Variants in TRPM3 observed in about 807,000 individuals in gnomAD.
TRPM3 encodes the protein transient receptor potential cation channel subfamily M member 3, also known as long transient receptor potential channel 3.
Under a neutral mutation model 181.2 loss-of-function variants are expected in TRPM3, and 77 were observed. The ratio of observed to expected loss-of-function variants is 0.42; its 90% CI spans 0.35 to 0.51. TRPM3 has a LOEUF of 0.51. Among genes scored for constraint, TRPM3 ranks in the 20% least tolerant of loss-of-function variants. The pLI is 0.01. For synonymous variants in TRPM3, 745 were observed against 796.4 expected (o/e 0.94, Z 1.09); for missense variants, 1,759 against 2,196.7 (o/e 0.80, Z 3.98).
At chr9:70,760,069 A>C (rs2077820072) in intron 8 of TRPM3, among the ~76,000 whole-genome samples, 1 of 152,148 alleles carries the variant, frequency 6.6e-6, no homozygotes, top group Non-Finnish European at 1.5e-5. Context: ...AAATGCAGTT[A>C]ACTTTTTCAG....
chr9:71,331,063 G>T (rs895373829), intron 1 of TRPM3, among the ~76,000 whole-genome samples: 5 of 151,856 alleles, frequency 3.3e-5, no homozygotes, highest in African/African-American at 1.2e-4. Flanking sequence ...AGACAAATTA[G>T]AACTCCAGAG....
intron 1 of TRPM3, among the ~76,000 whole-genome samples, chr9:71,004,909 A>G (rs2097657031): frequency 6.6e-6 from 1 of 152,218 alleles, no homozygotes; most frequent in South Asian, 2.1e-4. Context: ...AACATATGAA[A>G]TTACCTATTC....
intron 25 of TRPM3, among the ~76,000 whole-genome samples, chr9:70,543,477 T>C (rs1588116260): frequency 6.6e-6 from 1 of 152,100 alleles, no homozygotes; most frequent in Non-Finnish European, 1.5e-5. Flanking sequence ...ACCATTCTCA[T>C]CCCCTCTCCA....
chr9:70,958,932 C>T (rs2097107969), intron 1 of TRPM3, among the ~76,000 whole-genome samples: 1 of 147,926 alleles, frequency 6.8e-6, no homozygotes, highest in Non-Finnish European at 1.5e-5. Flanking sequence ...CATGTTCTCA[C>T]TCATAGATGG....
intron 8 of TRPM3, among the ~76,000 whole-genome samples, chr9:70,693,182 G>A (rs184967558): frequency 6.6e-6 from 1 of 152,294 alleles, no homozygotes; most frequent in Admixed American, 6.5e-5. Flanking sequence ...TCCTTTTCCT[G>A]GCAATTGATG....
intron 25 of TRPM3, among the ~76,000 whole-genome samples, chr9:70,545,578 G>A (rs1347128094): frequency 8.3e-6 from 1 of 120,232 alleles, no homozygotes; most frequent in Non-Finnish European, 1.6e-5. Context: ...GTGGAGTCTC[G>A]CTCTGTCGTC....
chr9:70,697,373 A>T (rs1446287479), intron 8 of TRPM3, among the ~76,000 whole-genome samples: 2 of 152,238 alleles, frequency 1.3e-5, no homozygotes, highest in African/African-American at 2.4e-5. Flanking sequence ...ATTTCTGTTT[A>T]TCAGCTTTAT....
chr9:70,800,876 AG>A (rs1564356590), intron 6 of TRPM3, among the ~76,000 whole-genome samples: 1 of 152,212 alleles, frequency 6.6e-6, no homozygotes, highest in African/African-American at 2.4e-5. Context: ...GCATTGTTCA[AG>A]GGTCAACTCT....
At chr9:70,866,665 C>A (rs1165372970) in intron 1 of TRPM3, among the ~76,000 whole-genome samples, 1 of 151,956 alleles carries the variant, frequency 6.6e-6, no homozygotes, top group Non-Finnish European at 1.5e-5. Flanking sequence ...ATGATAGGAA[C>A]CCACAAGCCC....
At chr9:70,676,865 G>A (rs1036740527) in intron 9 of TRPM3, among the ~76,000 whole-genome samples, 16 of 152,010 alleles carry the variant, frequency 1.1e-4, no homozygotes, top group African/African-American at 2.7e-4. Flanking sequence ...ACTGGAAACC[G>A]TCTTCCCCAA....
At chr9:71,191,113 A>T (rs971392486) in intron 1 of TRPM3, among the ~76,000 whole-genome samples, 5 of 151,802 alleles carry the variant, frequency 3.3e-5, no homozygotes, top group Admixed American at 3.3e-4. Flanking sequence ...TGATACTGTA[A>T]CTTTCCTAAG....
chr9:71,417,324 T>C (rs868623038), intron 1 of TRPM3, among the ~76,000 whole-genome samples: 1 of 152,038 alleles, frequency 6.6e-6, no homozygotes, highest in Non-Finnish European at 1.5e-5. Context: ...TCATTAATTT[T>C]AGCCAATCTA....
intron 9 of TRPM3, among the ~76,000 whole-genome samples, chr9:70,648,054 C>G (rs975188405): frequency 2.0e-5 from 3 of 152,036 alleles, no homozygotes; most frequent in Non-Finnish European, 4.4e-5. Flanking sequence ...ACAACATAAA[C>G]AAATGGAAAA....
At chr9:71,211,250 A>G (rs932664552) in intron 1 of TRPM3, among the ~76,000 whole-genome samples, 2 of 152,208 alleles carry the variant, frequency 1.3e-5, no homozygotes, top group Non-Finnish European at 2.9e-5. Flanking sequence ...CTGTTTCTCA[A>G]TGGTACCTAG....
chr9:70,888,995 T>C (rs1290694509), intron 1 of TRPM3, among the ~76,000 whole-genome samples: 1 of 152,128 alleles, frequency 6.6e-6, no homozygotes, highest in African/African-American at 2.4e-5. Context: ...GTCAACAAAA[T>C]TTTTGGAAAT....
chr9:71,171,160 G>C (rs1244478676), intron 1 of TRPM3, among the ~76,000 whole-genome samples: 3 of 152,154 alleles, frequency 2.0e-5, no homozygotes, highest in Non-Finnish European at 2.9e-5. Context: ...CAGACTGGTT[G>C]ATCTCAAAAC....
chr9:70,828,618 G>A (rs558610371), intron 5 of TRPM3, among the ~76,000 whole-genome samples: 1 of 151,142 alleles, frequency 6.6e-6, no homozygotes, highest in Non-Finnish European at 1.5e-5. Flanking sequence ...GTTCAACTCT[G>A]TCTCATTCTA....
At chr9:70,882,388 G>A (rs1235275904) in intron 1 of TRPM3, among the ~76,000 whole-genome samples, 3 of 152,122 alleles carry the variant, frequency 2.0e-5, no homozygotes. Context: ...AAAGCTGTTT[G>A]GAATGGCTGT....
At chr9:70,582,181 CGTGT>C (rs3073501) in intron 22 of TRPM3, among the ~76,000 whole-genome samples, 6,975 of 148,794 alleles carry the variant, frequency 0.047, 195 homozygotes, top group African/African-American at 0.076. Flanking sequence ...CCACCCTGTG[CGTGT>C]GTGTGTGTGT....
Sources: gnomAD v4.1 joint callset for allele counts (sites outside exome capture counted in the v4.1 genomes callset) on GRCh38, gnomAD v4.1.1 for gene constraint, MANE v1.5 for transcripts, NCBI Gene and HGNC (gene_info 2026-07-23, HGNC 2026-07-21) for gene names.